AGBL4: variants seen among roughly 807,000 people sequenced by gnomAD.
AGBL4 encodes cytosolic carboxypeptidase 6.
A neutral mutation model predicts 66.4 loss-of-function variants in AGBL4; 58 were observed. The ratio of observed to expected loss-of-function variants is 0.87; its 90% CI spans 0.71 to 1.09. The LOEUF is 1.09. Ranked by LOEUF, AGBL4 falls within the 50% of genes least tolerant of loss-of-function variation. The probability of loss-of-function intolerance (pLI) is 0.00; values close to 1 mark genes in which losing one functional copy is unlikely to be tolerated. For synonymous variants in AGBL4, 234 were observed against 222.9 expected (o/e 1.05, Z -0.44); for missense variants, 579 against 631.0 (o/e 0.92, Z 0.88).
rs545130830 is a variant in AGBL4, at chr1:49,868,408, T to G, written c.35-16890A>C. On this transcript the variant is annotated intron_variant, in intron 1 of 13. Transcript: ENST00000371839. Reference sequence around the variant, plus strand: ...CAAGGCTAAAGTAACCAAAACAGTATGCTACTGGTACAAAAACAGGCCAAT... The same window carrying G: ...CAAGGCTAAAGTAACCAAAACAGTAGGCTACTGGTACAAAAACAGGCCAAT... Among the ~76,000 whole-genome samples the G allele has an allele frequency of 3.3e-5, 5 of 152,142 alleles. No individual in the cohort carries two copies. In the South Asian group the frequency reaches 1.0e-3, roughly 32 times the overall value.
At chr1:48,901,877 C>T (rs1264224074) in intron 5 of AGBL4, among the ~76,000 whole-genome samples, 2 of 152,150 alleles carry the variant, frequency 1.3e-5, no homozygotes, top group East Asian at 3.8e-4. Context: ...GATAAAGACA[C>T]ACCTGAGACT....
chr1:48,657,227 T>C (rs1030702371), intron 7 of AGBL4, among the ~76,000 whole-genome samples: 7 of 152,168 alleles, frequency 4.6e-5, no homozygotes, highest in African/African-American at 1.4e-4. Flanking sequence ...TGTGGGTTCT[T>C]GTGAGGATTT....
chr1:49,562,080 G>A (rs1053397223), intron 3 of AGBL4, among the ~76,000 whole-genome samples: 3 of 152,086 alleles, frequency 2.0e-5, no homozygotes, highest in Admixed American at 2.0e-4. Flanking sequence ...ATTTTTTCAG[G>A]TGTTTTTTGG....
intron 2 of AGBL4, among the ~76,000 whole-genome samples, chr1:49,731,744 T>C (rs1470803494): frequency 6.6e-6 from 1 of 152,162 alleles, no homozygotes; most frequent in Non-Finnish European, 1.5e-5. Context: ...TCAAAATTAA[T>C]ACCTTGAAAA....
intron 13 of AGBL4, among the ~76,000 whole-genome samples, chr1:48,534,565 A>T (rs968589265): frequency 6.6e-6 from 1 of 152,238 alleles, no homozygotes; most frequent in Non-Finnish European, 1.5e-5. Flanking sequence ...AGTGTCATAA[A>T]TATGAGAATC....
intron 2 of AGBL4, among the ~76,000 whole-genome samples, chr1:49,780,831 A>G (rs1488026151): frequency 3.3e-5 from 5 of 152,188 alleles, no homozygotes; most frequent in Admixed American, 2.0e-4. Context: ...AGGCATAAAG[A>G]AAACAAAAAG....
At chr1:49,402,579 T>C (rs1645109171) in intron 3 of AGBL4, among the ~76,000 whole-genome samples, 1 of 151,586 alleles carries the variant, frequency 6.6e-6, no homozygotes, top group African/African-American at 2.4e-5. Flanking sequence ...CTTTTTTTTT[T>C]TTTTTGAGAT....
At chr1:49,655,423 G>A (rs1646104607) in intron 3 of AGBL4, among the ~76,000 whole-genome samples, 1 of 152,102 alleles carries the variant, frequency 6.6e-6, no homozygotes, top group African/African-American at 2.4e-5. Flanking sequence ...TCTTGGAGTT[G>A]CTCTTCTCGA....
rs567010832 is a variant in AGBL4, at chr1:49,257,639, G to A, written c.283-11775C>T. Among the ~76,000 whole-genome samples, 12 of 152,298 alleles carry A rather than the reference G, an allele frequency of 7.9e-5. No homozygotes were observed. In the East Asian group the frequency reaches 1.2e-3, roughly 15 times the overall value. On this transcript the variant is annotated intron_variant, in intron 3 of 13. Coordinates refer to ENST00000371839, the MANE Select transcript of AGBL4 (RefSeq NM_032785.4). ...CACGTCCCGAGTGAGGCAATGCCTC[G>A]CGCTGCTTTGGCTCATGCACGGTGC...
intron 4 of AGBL4, among the ~76,000 whole-genome samples, chr1:49,124,399 C>T (rs1645723897): frequency 1.3e-5 from 2 of 152,268 alleles, no homozygotes; most frequent in Admixed American, 1.3e-4. Flanking sequence ...TTTCTACCAG[C>T]ATCTGCCTGG....
At chr1:49,260,839 G>A (rs1570257178) in intron 3 of AGBL4, among the ~76,000 whole-genome samples, 2 of 151,690 alleles carry the variant, frequency 1.3e-5, no homozygotes, top group Non-Finnish European at 2.9e-5. Context: ...ACCAAAGCCG[G>A]GCAGAGACAC....
At chr1:49,509,172 T>C (rs954440337) in intron 3 of AGBL4, among the ~76,000 whole-genome samples, 16 of 151,794 alleles carry the variant, frequency 1.1e-4, no homozygotes, top group African/African-American at 3.9e-4. Flanking sequence ...TGAAAGAGGC[T>C]TGAACGACGG....
At chr1:49,275,226 G>T (rs1644143903) in intron 3 of AGBL4, among the ~76,000 whole-genome samples, 1 of 152,118 alleles carries the variant, frequency 6.6e-6, no homozygotes, top group African/African-American at 2.4e-5. Flanking sequence ...AAAAAGAGTG[G>T]CCTGATGTCT....
intron 3 of AGBL4, among the ~76,000 whole-genome samples, chr1:49,645,620 A>G (rs1042487084): frequency 6.6e-6 from 1 of 151,434 alleles, no homozygotes; most frequent in Admixed American, 6.6e-5. Context: ...ATATTTAAGA[A>G]AAAAGTTAGT....
chr1:49,354,925 G>T (rs1309971541), intron 3 of AGBL4, among the ~76,000 whole-genome samples: 1 of 152,152 alleles, frequency 6.6e-6, no homozygotes, highest in African/African-American at 2.4e-5. Context: ...AGGGTATAAG[G>T]TGGAAACCAA....
At position 48,759,057 on chromosome 1, in the gene AGBL4, C is replaced by A. The variant is rs751505805; in HGVS notation, c.635-95816G>T. 11 of 1,613,756 alleles carry A rather than the reference C, an allele frequency of 6.8e-6. No individual in the cohort carries two copies. The South Asian group carries it at 9.9e-5, about 15-fold the overall frequency. On this transcript the variant is annotated intron_variant, in intron 6 of 13. Coordinates refer to ENST00000371839, the MANE Select transcript of AGBL4 (RefSeq NM_032785.4). ...CCAGCTCCTGCTGGAGGTGGCGCAT[C>A]TCTTCCTGTTGCTGCTGGTAGTTGC...
At chr1:49,505,405 A>G (rs1306025923) in intron 3 of AGBL4, among the ~76,000 whole-genome samples, 1 of 151,652 alleles carries the variant, frequency 6.6e-6, no homozygotes, top group Non-Finnish European at 1.5e-5. Flanking sequence ...AGCATTTCTT[A>G]CAAGTCTGGT....
At chr1:49,159,667 A>T (rs1436268258) in intron 4 of AGBL4, among the ~76,000 whole-genome samples, 2 of 152,124 alleles carry the variant, frequency 1.3e-5, no homozygotes, top group East Asian at 3.9e-4. Context: ...TTCCAACTTG[A>T]TTCCATTCTC....
chr1:48,671,862 C>T (rs10888611), intron 6 of AGBL4, among the ~76,000 whole-genome samples: 85,129 of 152,036 alleles, frequency 0.56, 24,140 homozygotes, highest in Middle Eastern at 0.66. Context: ...AATGAGTGTA[C>T]CCAGCTAGAA....
Sources: allele counts gnomAD v4.1 joint callset (sites outside exome capture counted in the v4.1 genomes callset), GRCh38; gene constraint gnomAD v4.1.1; transcripts MANE v1.5; gene names NCBI Gene and HGNC (gene_info 2026-07-23, HGNC 2026-07-21).